XKR9: variants seen among roughly 807,000 people sequenced by gnomAD.
XKR9 encodes XK-related protein 9.
XKR9 carries 32 observed loss-of-function variants against 32.0 expected under a neutral mutation model. The observed-to-expected ratio is 1.00, with a 90% CI of 0.76 to 1.34. The LOEUF is 1.34. Ranked by LOEUF, XKR9 falls within the 40% of genes most tolerant of loss-of-function variation. The pLI is 0.00. For missense variants in XKR9, 546 were observed against 429.7 expected, an observed-to-expected ratio of 1.27 and a Z score of -2.39; for synonymous variants, 168 against 143.4, an observed-to-expected ratio of 1.17 and a Z score of -1.22.
At chr8:70,939,329 A>G in the XKR9 span, among the ~76,000 whole-genome samples, 1,663 of 152,208 alleles carry the variant, frequency 0.011, 20 homozygotes, top group Non-Finnish European at 0.013. Context: ...ATGGAGCCAA[A>G]AGGAGCTTCT....
At chr8:70,926,014 C>T in the XKR9 span, among the ~76,000 whole-genome samples, 3 of 152,100 alleles carry the variant, frequency 2.0e-5, no homozygotes, top group Non-Finnish European at 4.4e-5. Context: ...CTAATGTCTT[C>T]AAGATGATAA....
At chr8:70,927,624 T>A in the XKR9 span, among the ~76,000 whole-genome samples, 1 of 152,084 alleles carries the variant, frequency 6.6e-6, no homozygotes, top group East Asian at 1.9e-4. Context: ...GCCAGGCAGG[T>A]CTCTGATACC....
At chr8:70,944,665 G>A in the XKR9 span, among the ~76,000 whole-genome samples, 1 of 152,176 alleles carries the variant, frequency 6.6e-6, no homozygotes, top group Admixed American at 6.5e-5. Flanking sequence ...GGAGTGACCA[G>A]TTAGCGGCAG....
At chr8:70,792,330 G>A (rs1306939655), downstream of XKR9, among the ~76,000 whole-genome samples, 3 of 152,060 alleles carry the variant, frequency 2.0e-5, no homozygotes, top group Admixed American at 1.3e-4. Context: ...AAGTTTTAGA[G>A]CAGGGATAAG....
In XKR9 at chr8:70,692,245, G is replaced by A. The variant is rs1046743177; in HGVS notation, c.272+10915G>A. 2.8e-4 allele frequency among the ~76,000 whole-genome samples: 42 copies of A among 152,140 alleles called. 1 individual carries two copies. Among genetic ancestry groups the A allele is most frequent in the African/African-American group, 9.2e-4 (38 of 41,424 alleles). On this transcript the variant is annotated intron_variant, in intron 3 of 4. Coordinates refer to ENST00000408926, the MANE Select transcript of XKR9 (RefSeq NM_001011720.2). Reference sequence around the variant, plus strand: ...TTGTTGTTGGTGCACAGGAATGCTAGTGAGTTTTGTACATTGATTTTATAT... The same window carrying A: ...TTGTTGTTGGTGCACAGGAATGCTAATGAGTTTTGTACATTGATTTTATAT...
chr8:70,799,784 A>G, the XKR9 span, among the ~76,000 whole-genome samples: 1 of 152,118 alleles, frequency 6.6e-6, no homozygotes, highest in Non-Finnish European at 1.5e-5. Flanking sequence ...GGTTTTCTAG[A>G]TATAGGATCA....
chr8:70,993,816 G>C, the XKR9 span, among the ~76,000 whole-genome samples: 1 of 152,100 alleles, frequency 6.6e-6, no homozygotes, highest in African/African-American at 2.4e-5. Flanking sequence ...ATGCAGAGAA[G>C]GTAAGTAAGG....
At chr8:70,768,722 G>A (rs917177535) in intron 2 of XKR9, among the ~76,000 whole-genome samples, 1 of 146,836 alleles carries the variant, frequency 6.8e-6, no homozygotes, top group Non-Finnish European at 1.5e-5. Flanking sequence ...TTTAAAGTCT[G>A]TTTTATCAGA....
At chr8:70,669,873 A>G (rs1161345815) in intron 1 of XKR9, among the ~76,000 whole-genome samples, 1 of 151,178 alleles carries the variant, frequency 6.6e-6, no homozygotes, top group Non-Finnish European at 1.5e-5. Context: ...TCATTGTGTT[A>G]GCCAGGAAGG....
intron 3 of XKR9, among the ~76,000 whole-genome samples, chr8:70,698,708 G>A (rs1805389240): frequency 6.6e-6 from 1 of 152,058 alleles, no homozygotes; most frequent in South Asian, 2.1e-4. Flanking sequence ...GGTCCGCTTG[G>A]TGCAGAGCTG....
At chr8:71,019,621 T>G in the XKR9 span, among the ~76,000 whole-genome samples, 1 of 152,200 alleles carries the variant, frequency 6.6e-6, no homozygotes, top group Non-Finnish European at 1.5e-5. Context: ...GTTAAATCTC[T>G]AAGGTTGAGG....
At chr8:70,724,139 G>A (rs576073229) in intron 4 of XKR9, among the ~76,000 whole-genome samples, 1 of 152,036 alleles carries the variant, frequency 6.6e-6, no homozygotes, top group African/African-American at 2.4e-5. Context: ...CTGTGCTGTG[G>A]TGAGTTCTGC....
chr8:70,829,864 G>A, the XKR9 span, among the ~76,000 whole-genome samples: 1 of 152,090 alleles, frequency 6.6e-6, no homozygotes, highest in South Asian at 2.1e-4. Flanking sequence ...TCTAAGTAAT[G>A]CTCAAACGTG....
intron 2 of XKR9, among the ~76,000 whole-genome samples, chr8:70,753,402 C>G (rs1807170934): frequency 1.3e-5 from 2 of 152,000 alleles, no homozygotes; most frequent in Non-Finnish European, 2.9e-5. Context: ...GGAATCCTCC[C>G]TAACTCATTT....
At chr8:71,056,371 G>T in the XKR9 span, among the ~76,000 whole-genome samples, 3 of 152,018 alleles carry the variant, frequency 2.0e-5, no homozygotes, top group Non-Finnish European at 2.9e-5. Context: ...AAGGAAAAAG[G>T]AATAAAAAAC....
intron 3 of XKR9, among the ~76,000 whole-genome samples, chr8:70,682,015 G>A (rs183010676): frequency 6.6e-6 from 1 of 152,202 alleles, no homozygotes; most frequent in Non-Finnish European, 1.5e-5. Context: ...TTGTATTTAT[G>A]TGGAGACTTA....
At chr8:70,952,469 C>T in the XKR9 span, among the ~76,000 whole-genome samples, 2 of 152,176 alleles carry the variant, frequency 1.3e-5, no homozygotes, top group Non-Finnish European at 2.9e-5. Context: ...CCTCCTTTTC[C>T]CTACCACATC....
the XKR9 span, among the ~76,000 whole-genome samples, chr8:70,862,421 C>T: frequency 6.6e-6 from 1 of 151,610 alleles, no homozygotes; most frequent in East Asian, 1.9e-4. Flanking sequence ...GCATGGGGGT[C>T]ATGTTATTTT....
the XKR9 span, among the ~76,000 whole-genome samples, chr8:70,830,121 GTAGTTA>G: frequency 3.3e-5 from 5 of 152,148 alleles, no homozygotes; most frequent in African/African-American, 4.8e-5. Context: ...AAAAGCATAT[GTAGTTA>G]AATTTGTTGG....
Sources: gnomAD v4.1 joint callset for allele counts (sites outside exome capture counted in the v4.1 genomes callset) on GRCh38, gnomAD v4.1.1 for gene constraint, MANE v1.5 for transcripts, NCBI Gene and HGNC (gene_info 2026-07-23, HGNC 2026-07-21) for gene names.